Variants in INTS13 observed in about 807,000 individuals in gnomAD.
INTS13 encodes asunder, spermatogenesis regulator homolog (Drosphila).
Under a neutral mutation model 90.2 loss-of-function variants are expected in INTS13, and 35 were observed. That is an observed-to-expected ratio of 0.39 (90% CI 0.30 to 0.51). The LOEUF is 0.51. Among genes scored for constraint, INTS13 ranks in the 20% least tolerant of loss-of-function variants. The probability of loss-of-function intolerance (pLI) is 0.80; values close to 1 mark genes in which losing one functional copy is unlikely to be tolerated. For missense variants in INTS13, 601 were observed against 851.2 expected, an observed-to-expected ratio of 0.71 and a Z score of 3.66; for synonymous variants, 309 against 277.1, an observed-to-expected ratio of 1.11 and a Z score of -1.14.
At chr12:26,911,991 T>C (rs1461419403) in intron 14 of INTS13, among the ~76,000 whole-genome samples, 3 of 152,192 alleles carry the variant, frequency 2.0e-5, no homozygotes, top group Non-Finnish European at 4.4e-5. Context: ...CAGAATTAGC[T>C]TCAAAATATT....
At chr12:26,919,816 A>T (rs1952056131) in intron 8 of INTS13, among the ~76,000 whole-genome samples, 1 of 152,064 alleles carries the variant, frequency 6.6e-6, no homozygotes, top group African/African-American at 2.4e-5. Context: ...AGATACAATT[A>T]GGAAGTAGAA....
At chr12:26,921,957 G>A (rs1331243528) in intron 8 of INTS13, among the ~76,000 whole-genome samples, 1 of 152,136 alleles carries the variant, frequency 6.6e-6, no homozygotes, top group Admixed American at 6.5e-5. Context: ...CCCCCGGCCT[G>A]CAGCCCAAAA....
At chr12:26,907,836 A>G (rs1565815072) in intron 15 of INTS13, among the ~76,000 whole-genome samples, 1 of 152,342 alleles carries the variant, frequency 6.6e-6, no homozygotes, top group East Asian at 1.9e-4. Flanking sequence ...TTTTACCATC[A>G]TTAATCATGA....
intron 3 of INTS13, 143 bp from the exon 4 acceptor site, chr12:26,929,048 G>C (rs1938044568): frequency 1.5e-6 from 1 of 683,400 alleles, no homozygotes; most frequent in South Asian, 2.0e-5. Context: ...ACCAAATCCA[G>C]TAACACACAA....
intron 15 of INTS13, among the ~76,000 whole-genome samples, chr12:26,910,080 G>C (rs888431277): frequency 6.6e-6 from 1 of 152,168 alleles, no homozygotes; most frequent in Non-Finnish European, 1.5e-5. Context: ...ATTCCTTCAA[G>C]AGGAAACTAA....
chr12:26,918,746 G>A (rs1193734503), intron 8 of INTS13, among the ~76,000 whole-genome samples: 1 of 152,208 alleles, frequency 6.6e-6, no homozygotes, highest in Non-Finnish European at 1.5e-5. Flanking sequence ...AAGCTGACAA[G>A]GCTTTGAAGG....
At chr12:26,937,336 A>T (rs1303114520) in intron 1 of INTS13, among the ~76,000 whole-genome samples, 24 of 152,108 alleles carry the variant, frequency 1.6e-4, no homozygotes, top group Admixed American at 1.6e-3. Context: ...ACAAAGATAA[A>T]CATCTCCTAA....
chr12:26,924,843 C>A (rs767141870), intron 6 of INTS13, among the ~76,000 whole-genome samples: 2 of 151,922 alleles, frequency 1.3e-5, no homozygotes, highest in Admixed American at 6.6e-5. Context: ...AAGTACACTG[C>A]AGAAAAAATA....
chr12:26,931,629 A>G (rs1938197743), intron 3 of INTS13, among the ~76,000 whole-genome samples: 1 of 152,210 alleles, frequency 6.6e-6, no homozygotes, highest in East Asian at 1.9e-4. Flanking sequence ...AGGACCTTGT[A>G]GACTGAAGTC....
At chr12:26,933,631 A>G (rs887462866) in intron 3 of INTS13, among the ~76,000 whole-genome samples, 4 of 152,042 alleles carry the variant, frequency 2.6e-5, no homozygotes, top group African/African-American at 7.2e-5. Flanking sequence ...AAAAGAGAGG[A>G]AAAAAAATGG....
intron 15 of INTS13, among the ~76,000 whole-genome samples, chr12:26,908,209 G>C (rs1171730244): frequency 1.3e-5 from 2 of 152,264 alleles, no homozygotes; most frequent in African/African-American, 4.8e-5. Context: ...TGACTACAGG[G>C]ATTGAGGAGG....
intron 3 of INTS13, among the ~76,000 whole-genome samples, chr12:26,929,599 G>A (rs570174325): frequency 1.6e-3 from 246 of 151,914 alleles, no homozygotes; most frequent in Non-Finnish European, 2.7e-3. Context: ...AGCTAGGTGG[G>A]GTGATGTACA....
chr12:26,913,061 C>T (rs1951831334), intron 14 of INTS13, among the ~76,000 whole-genome samples: 1 of 152,134 alleles, frequency 6.6e-6, no homozygotes, highest in Non-Finnish European at 1.5e-5. Flanking sequence ...TCTCTAGCAT[C>T]ACACTGTATG....
intron 3 of INTS13, among the ~76,000 whole-genome samples, chr12:26,931,589 G>C (rs182624556): frequency 2.2e-3 from 328 of 152,288 alleles, no homozygotes; most frequent in African/African-American, 7.6e-3. Flanking sequence ...CTAAAGCCTT[G>C]TTTCTCATGT....
chr12:26,918,238 T>C (rs1178261312), intron 8 of INTS13, among the ~76,000 whole-genome samples: 1 of 152,162 alleles, frequency 6.6e-6, no homozygotes, highest in East Asian at 1.9e-4. Flanking sequence ...AATCTGAAAC[T>C]ACTCTAAAAT....
At chr12:26,929,038 ACCAAAT>A in intron 3 of INTS13, 133 bp from the exon 4 acceptor site, 1 of 759,544 alleles carries the variant, frequency 1.3e-6, no homozygotes, top group Non-Finnish European at 2.1e-6. Context: ...ATAGTAGCAA[ACCAAAT>A]CCAGTAACAC....
chr12:26,920,214 C>T (rs1294697707), intron 8 of INTS13, among the ~76,000 whole-genome samples: 1 of 152,036 alleles, frequency 6.6e-6, no homozygotes, highest in African/African-American at 2.4e-5. Flanking sequence ...ACTGTTACCA[C>T]CTCAGTAAAA....
chr12:26,931,872 A>C (rs1418631656), intron 3 of INTS13, among the ~76,000 whole-genome samples: 1 of 152,124 alleles, frequency 6.6e-6, no homozygotes, highest in Non-Finnish European at 1.5e-5. Context: ...GGATCACCTG[A>C]CGTCAGGAGT....
chr12:26,917,785 C>T (rs375604017), intron 8 of INTS13, 52 bp from the exon 9 acceptor site: 6 of 1,176,134 alleles, frequency 5.1e-6, no homozygotes, highest in Non-Finnish European at 7.6e-6. Flanking sequence ...ATCAAAACAT[C>T]ACACTGTATC....
Sources: gnomAD v4.1 joint callset for allele counts (sites outside exome capture counted in the v4.1 genomes callset) on GRCh38, gnomAD v4.1.1 for gene constraint, MANE v1.5 for transcripts, NCBI Gene and HGNC (gene_info 2026-07-23, HGNC 2026-07-21) for gene names.